TRMT10B: variants seen among roughly 807,000 people sequenced by gnomAD.
TRMT10B encodes the protein tRNA methyltransferase 10B, also known as tRNA methyltransferase 10 homolog B.
In TRMT10B, 33 loss-of-function variants were observed where a neutral mutation model predicts 43.8. That is an observed-to-expected ratio of 0.75 (90% CI 0.57 to 1.01). The LOEUF is 1.01. Among genes scored for constraint, TRMT10B ranks in the 50% least tolerant of loss-of-function variants. The pLI, the probability that TRMT10B is intolerant of heterozygous loss-of-function variation, is 0.00. For missense variants in TRMT10B, 362 were observed against 369.8 expected, an observed-to-expected ratio of 0.98 and a Z score of 0.17; for synonymous variants, 137 against 130.6, an observed-to-expected ratio of 1.05 and a Z score of -0.34.
At position 37,777,892 on chromosome 9, in the gene TRMT10B, C is replaced by T. The variant is rs1158743095; in HGVS notation, c.*185C>T. 2.2e-6 allele frequency: 1 copy of T among 462,628 alleles called. No homozygotes were observed. Among genetic ancestry groups the T allele is most frequent in the Non-Finnish European group, 4.0e-6 (1 of 253,058 alleles). 28.7% of individuals were successfully genotyped at this position (462,628 alleles called of 1,614,324 possible). A position where few individuals can be genotyped will look rare whatever the true frequency, so the allele number is the denominator to read the frequency against. The stretch of plus-strand genomic sequence containing the variant: ...TGGTGGCGCATACCTGTAGTCCCAG[C>T]TACTTGGGAGGCTGAGGCAGGAGAA... On this transcript the variant is annotated 3_prime_UTR_variant, in exon 9 of 9. Coordinates refer to ENST00000297994, the MANE Select transcript of TRMT10B (RefSeq NM_144964.4).
chr9:37,769,655 T>G (rs1589035461), intron 5 of TRMT10B: 1 of 318,582 alleles, frequency 3.1e-6, no homozygotes, highest in East Asian at 5.3e-5. Context: ...TGAAGTGCAG[T>G]GGCATGATCT....
chr9:37,768,169 A>G lies in TRMT10B; in HGVS notation c.514A>G (p.Thr172Ala). The G allele has an allele frequency of 6.2e-7, 1 of 1,614,202 alleles. No individual in the cohort carries two copies. Among genetic ancestry groups the G allele is most frequent in the South Asian group, 1.1e-5 (1 of 91,086 alleles). The change falls in exon 5 of 9, where the codon ACA becomes GCA. Residue 172 changes from threonine to alanine, a missense_variant. Transcript: ENST00000297994. ...PFWICLTGFT[T>A]DSPLYEECVR... ...TTGGATCTGCCTCACTGGATTCACA[A>G]CAGACAGTCCCCTTTATGAAGAGTG...
chr9:37,763,943 T>A lies in TRMT10B; in HGVS notation c.420+190T>A. ...TAACGAACCTGGAAGAGAATATATA[T>A]AGTTTGGTTTAGTTTGCAAATTTTT... On this transcript the variant is annotated intron_variant, in intron 4 of 8. Coordinates refer to ENST00000297994, the MANE Select transcript of TRMT10B (RefSeq NM_144964.4). 13 of 1,091,926 alleles carry A rather than the reference T, an allele frequency of 1.2e-5. 1 individual carries two copies. The South Asian group carries it at 1.5e-4, about 12-fold the overall frequency. The allele number at this position is 1,091,926 out of a possible 1,614,324, so 67.6% of individuals were successfully genotyped here.
At chr9:37,753,180 A>G (rs1345966464), upstream of TRMT10B, among the ~76,000 whole-genome samples, 1 of 152,204 alleles carries the variant, frequency 6.6e-6, no homozygotes, top group East Asian at 1.9e-4. Context: ...GCCAGAAGGA[A>G]GAAACTCCAG....
In TRMT10B at chr9:37,763,527, G is replaced by A. The variant is rs1826640785; in HGVS notation, c.296-102G>A. Reference sequence around the variant, plus strand: ...AACGAATACCTTACATCAGTATCAAGTTTCTCTTTATATGCAAAATACCCA... The same window carrying A: ...AACGAATACCTTACATCAGTATCAAATTTCTCTTTATATGCAAAATACCCA... On this transcript the variant is annotated intron_variant, in intron 3 of 8. Coordinates refer to ENST00000297994, the MANE Select transcript of TRMT10B (RefSeq NM_144964.4). 1.2e-5 allele frequency: 12 copies of A among 999,416 alleles called. No homozygotes were observed. The South Asian group carries it at 1.3e-4, about 10-fold the overall frequency. The allele number at this position is 999,416 out of a possible 1,614,324, so 61.9% of individuals were successfully genotyped here. A position where few individuals can be genotyped will look rare whatever the true frequency, so the allele number is the denominator to read the frequency against.
At chr9:37,760,906 T>C (rs930561057) in intron 1 of TRMT10B, among the ~76,000 whole-genome samples, 1 of 152,222 alleles carries the variant, frequency 6.6e-6, no homozygotes, top group African/African-American at 2.4e-5. Flanking sequence ...TTCTGACTCA[T>C]ATCGTTCAGA....
chr9:37,772,048 G>T (rs555546109), intron 7 of TRMT10B, among the ~76,000 whole-genome samples: 1 of 152,192 alleles, frequency 6.6e-6, no homozygotes, highest in South Asian at 2.1e-4. Context: ...GTCTCACTCT[G>T]TTGCCCAGGC....
In TRMT10B at chr9:37,770,680, G is replaced by T. The variant is rs765088705; in HGVS notation, c.661G>T (p.Asp221Tyr). The change falls in exon 7 of 9, where the codon GAT becomes TAT. Residue 221 changes from aspartate (D) to tyrosine (Y), a missense_variant. Asp to Tyr is a radical substitution (Grantham distance 160). Transcript: ENST00000297994. ...LTPDSEHALE[D>Y]VDLNKVYILG... ...CTTCATTTTTTCATTAGCTCTTGAA[G>T]ATGTTGATCTAAACAAAGTTTACAT... 6.2e-7 allele frequency: 1 copy of T among 1,613,762 alleles called. No individual in the cohort carries two copies. The highest frequency in any genetic ancestry group is 8.5e-7 in the Non-Finnish European group (1 of 1,179,962).
intron 7 of TRMT10B, 45 bp downstream of exon 7, chr9:37,770,784 C>T (rs1187478167): frequency 6.3e-7 from 1 of 1,596,130 alleles, no homozygotes; most frequent in East Asian, 2.2e-5. Flanking sequence ...AAAAGCAGTG[C>T]TTACTTTTAG....
upstream of TRMT10B, among the ~76,000 whole-genome samples, chr9:37,753,015 G>A (rs139020129): frequency 5.3e-5 from 8 of 152,168 alleles, no homozygotes; most frequent in African/African-American, 1.7e-4. Context: ...AACACTCGCC[G>A]TGAAGATCTG....
rs2118875626 is a variant in TRMT10B at position 37,770,578 on chromosome 9, T to C, written c.653-94T>C. ...TTCTTTTTGTTTTCTACTGAATTTC[T>C]ACTTTTATTGTTAATAATTCTTTCA... On this transcript the variant is annotated intron_variant, in intron 6 of 8. Coordinates refer to ENST00000297994, the MANE Select transcript of TRMT10B (RefSeq NM_144964.4). The C allele has an allele frequency of 1.9e-5, 22 of 1,174,434 alleles. No individual in the cohort carries two copies. The South Asian group carries it at 3.1e-4, about 17-fold the overall frequency. 72.8% of individuals were successfully genotyped at this position (1,174,434 alleles called of 1,614,324 possible).
rs199533788 is a variant in TRMT10B, at chr9:37,771,460, TTCTA to T, written c.720+727_720+730del. Among the ~76,000 whole-genome samples, 469 of 152,324 alleles carry T rather than the reference TTCTA, an allele frequency of 3.1e-3. 4 individuals carry two copies. The highest frequency in any genetic ancestry group is 0.011 in the African/African-American group (444 of 41,576). On this transcript the variant is annotated intron_variant, in intron 7 of 8. Coordinates refer to ENST00000297994, the MANE Select transcript of TRMT10B (RefSeq NM_144964.4). Reference sequence around the variant, plus strand: ...TTACATATAGGTAGAGGTAGATGTGTTCTATCTATGTTCCTGTATGTATGAGATG... The same window carrying T: ...TTACATATAGGTAGAGGTAGATGTGTTCTATGTTCCTGTATGTATGAGATG...
At chr9:37,762,504 G>A (rs1271398822) in intron 2 of TRMT10B, 73 bp from the exon 3 acceptor site, 2 of 1,505,988 alleles carry the variant, frequency 1.3e-6, no homozygotes, top group African/African-American at 2.8e-5. Flanking sequence ...AAAAGCAAAT[G>A]TTTCTAATGT....
chr9:37,777,918 T>G lies in TRMT10B; in HGVS notation c.*211T>G. The G allele has an allele frequency of 2.4e-6, 1 of 410,064 alleles. No homozygotes were observed. Among genetic ancestry groups the G allele is most frequent in the South Asian group, 2.4e-5 (1 of 41,320 alleles). 25.4% of individuals were successfully genotyped at this position (410,064 alleles called of 1,614,324 possible). ...TACTTGGGAGGCTGAGGCAGGAGAA[T>G]CACTTGAACTCGGGAGGCGAAGGTT... is the stretch of plus-strand genomic sequence containing the variant. On this transcript the variant is annotated 3_prime_UTR_variant, in exon 9 of 9. Transcript: ENST00000297994.
intron 6 of TRMT10B, 28 bp from the exon 7 acceptor site, chr9:37,770,644 A>C: frequency 4.7e-4 from 512 of 1,081,560 alleles, no homozygotes; most frequent in Non-Finnish European, 6.6e-4. Flanking sequence ...AACAGATTTG[A>C]TCTCATTGGC....
chr9:37,754,328 T>C (rs1457150600), intron 1 of TRMT10B, among the ~76,000 whole-genome samples: 1 of 152,162 alleles, frequency 6.6e-6, no homozygotes, highest in Non-Finnish European at 1.5e-5. Context: ...TGTGAGTGTC[T>C]TAGGGAAGAG....
chr9:37,770,008 A>G lies in TRMT10B; in HGVS notation c.641A>G (p.Asp214Gly). The G allele has an allele frequency of 6.2e-7, 1 of 1,613,424 alleles. No individual in the cohort carries two copies. Among genetic ancestry groups the G allele is most frequent in the South Asian group, 1.1e-5 (1 of 91,056 alleles). ...PLETLVYLTP[D>G]SEHALEDVDL... ...GAAACCCTTGTGTACCTGACTCCTG[A>G]CTCAGAACACGGTATGTAGTTGAAT... The change falls in exon 6 of 9, where the codon GAC (aspartate) becomes GGC (glycine). Residue 214 changes from aspartate to glycine, a missense_variant. Coordinates refer to ENST00000297994, the MANE Select transcript of TRMT10B (RefSeq NM_144964.4).
intron 1 of TRMT10B, 29 bp from the exon 2 acceptor site, chr9:37,761,874 A>G (rs1826373353): frequency 6.7e-7 from 1 of 1,485,098 alleles, no homozygotes; most frequent in Non-Finnish European, 9.2e-7. Context: ...AAATAATGTA[A>G]TAGCTCACAT....
intron 1 of TRMT10B, among the ~76,000 whole-genome samples, chr9:37,755,587 G>GACAACAGAGATACAAAGAT (rs1314019741): frequency 2.0e-5 from 3 of 152,226 alleles, no homozygotes; most frequent in Non-Finnish European, 4.4e-5. Context: ...CCTTATGCCA[G>GACAACAGAGATACAAAGAT]ACAACAGAGA....
Sources: gnomAD v4.1 joint callset for allele counts (sites outside exome capture counted in the v4.1 genomes callset) on GRCh38, gnomAD v4.1.1 for gene constraint, MANE v1.5 for transcripts, NCBI Gene and HGNC (gene_info 2026-07-23, HGNC 2026-07-21) for gene names.